The following HR variants were observed in gnomAD, a reference collection of about 807,000 sequenced individuals.
HR encodes HR lysine demethylase and nuclear receptor corepressor, also known as lysine-specific demethylase hairless.
Under a neutral mutation model 128.6 loss-of-function variants are expected in HR, and 83 were observed. The observed-to-expected ratio is 0.65, with a 90% CI of 0.54 to 0.77. The LOEUF is 0.77. Ranked by LOEUF, HR falls within the 30% of genes least tolerant of loss-of-function variation. The pLI is 0.00. For synonymous variants in HR, 681 were observed against 658.2 expected, an observed-to-expected ratio of 1.03 and a Z score of -0.53; for missense variants, 1,490 against 1,574.6, an observed-to-expected ratio of 0.95 and a Z score of 0.91.
chr8:22,120,561 G>A lies in HR; in HGVS notation c.2611-54C>T, dbSNP rs765241716. 3.9e-5 allele frequency: 63 copies of A among 1,607,216 alleles called. No individual in the cohort carries two copies. In the Middle Eastern group the frequency reaches 7.3e-4, roughly 19 times the overall value. ...GGAGAATGGCCAGGGTGCCCGCCAT[G>A]GCCAGGCAAGGGCGTGTTGTAAGGG... is the stretch of plus-strand genomic sequence containing the variant. On this transcript the variant is annotated intron_variant, in intron 11 of 18. Transcript: ENST00000381418.
At chr8:22,119,364 T>A in intron 14 of HR, 81 bp from the exon 15 acceptor site, 1 of 1,590,792 alleles carries the variant, frequency 6.3e-7, no homozygotes, top group Non-Finnish European at 8.6e-7. Context: ...ATCCTGGCAC[T>A]TTGGGAGGCC....
intron 12 of HR, 81 bp from the exon 13 acceptor site, chr8:22,120,254 C>G: frequency 6.2e-7 from 1 of 1,608,784 alleles, no homozygotes. Context: ...TGCTTCCAGC[C>G]CCTCGGGGTC....
In HR at chr8:22,121,092, G is replaced by A. The variant is rs753516082; in HGVS notation, c.2340C>T (p.Phe780=). The change falls in exon 10 of 19, where the codon TTC becomes TTT. Residue 780 remains phenylalanine (F), a synonymous_variant. Coordinates refer to ENST00000381418, the MANE Select transcript of HR (RefSeq NM_005144.5). ...TGGGCAGGGCCGGAGTGACGGGGGC[G>A]AAGGCCATGTGTATTCGCTCATGGC... is the stretch of plus-strand genomic sequence containing the variant. The part of the protein sequence containing the change: ...CLGHERIHMA[F]APVTPALPSD... 13 of 1,613,648 alleles carry A rather than the reference G, an allele frequency of 8.1e-6. No individual in the cohort carries two copies. The highest frequency in any genetic ancestry group is 2.2e-5 in the East Asian group (1 of 44,886).
rs1826578824 is a variant in HR, at chr8:22,116,111, G to C, written c.3507+189C>G. Among the ~76,000 whole-genome samples, 1 of 152,220 alleles carries C rather than the reference G, an allele frequency of 6.6e-6. No individual in the cohort carries two copies. The highest frequency in any genetic ancestry group is 2.1e-4 in the South Asian group (1 of 4,832). ...GATAGTGCCACTGCACTCCAGCCTA[G>C]GTGACAGAACAAGACTCCATCTCAA... On this transcript the variant is annotated intron_variant, in intron 18 of 18. Coordinates refer to ENST00000381418, the MANE Select transcript of HR (RefSeq NM_005144.5). The surrounding 1 kb of genome is among the most constrained non-coding windows in gnomAD (Gnocchi z 4.2).
chr8:22,119,628 A>AAG, intron 14 of HR, 132 bp downstream of exon 14: 1 of 1,236,714 alleles, frequency 8.1e-7, no homozygotes, highest in Non-Finnish European at 1.1e-6. Flanking sequence ...AAAAAAAAAA[A>AAG]AAAGAAAGAA....
In HR at chr8:22,128,873, T is replaced by A; in HGVS notation, c.298A>T (p.Lys100Ter). ...AGCGGATGGGTAAGCATGGCCTCCTTCCAGCGCAGTCCCTCTTTGCTGCCC... is the reference window on the plus strand; with the variant it reads ...AGCGGATGGGTAAGCATGGCCTCCTACCAGCGCAGTCCCTCTTTGCTGCCC... ...WLGSKEGLRW[K>*]EAMLTHPLAF... Residue 100 changes from lysine to a stop codon, truncating the protein, a stop_gained, in exon 2 of 19, where the codon AAG becomes TAG. Coordinates refer to ENST00000381418, the MANE Select transcript of HR (RefSeq NM_005144.5). LOFTEE classifies it high-confidence loss of function. The A allele has an allele frequency of 3.1e-6, 5 of 1,613,422 alleles. No individual in the cohort carries two copies. The highest frequency in any genetic ancestry group is 4.2e-6 in the Non-Finnish European group (5 of 1,180,024).
At chr8:22,118,622 C>T (rs1826650813) in intron 16 of HR, 1 of 404,170 alleles carries the variant, frequency 2.5e-6, no homozygotes, top group East Asian at 5.1e-5. Flanking sequence ...GGAGCAGTGC[C>T]TGCCTCATGG....
In HR at chr8:22,118,859, G is replaced by T. The variant is rs539252046; in HGVS notation, c.3213+91C>A. On this transcript the variant is annotated intron_variant, in intron 16 of 18. Transcript: ENST00000381418. ...CTCACCTGAGGGCGTGGGGCAGGGA[G>T]CGAGCACATGGGACCGCACACTGGG... is the stretch of plus-strand genomic sequence containing the variant. The T allele has an allele frequency of 1.7e-5, 19 of 1,106,584 alleles. No individual in the cohort carries two copies. In the South Asian group the frequency reaches 2.2e-4, roughly 13 times the overall value. 68.5% of individuals were successfully genotyped at this position (1,106,584 alleles called of 1,614,324 possible).
chr8:22,126,953 G>A (rs1826906208), intron 3 of HR, 84 bp downstream of exon 3: 3 of 1,388,438 alleles, frequency 2.2e-6, no homozygotes, highest in Non-Finnish European at 3.0e-6. Flanking sequence ...CACTCATAAA[G>A]CCTACAGACC....
Position 22,125,647 on chromosome 8 carries a change from G to A in HR, c.1491C>T (p.Cys497=). 3 of 1,612,838 alleles carry A rather than the reference G, an allele frequency of 1.9e-6. No individual in the cohort carries two copies. The highest frequency in any genetic ancestry group is 2.5e-6 in the Non-Finnish European group (3 of 1,179,680). Residue 497 remains cysteine (C), a synonymous_variant, in exon 4 of 19, where the codon TGC becomes TGT. Coordinates refer to ENST00000381418, the MANE Select transcript of HR (RefSeq NM_005144.5). ...CLALPAKLAQ[C]QSCAQAAGEG... ...CTCCAGCTGCCTGGGCACAACTTTG[G>A]CATTGAGCCAGTTTTGCAGGGAGAG...
rs1251137921 is a variant in HR at position 22,123,828 on chromosome 8, G to A, written c.1751-15C>T. The A allele has an allele frequency of 3.1e-6, 5 of 1,592,046 alleles. No individual in the cohort carries two copies. In the East Asian group the frequency reaches 6.8e-5, roughly 22 times the overall value. On this transcript the variant is annotated splice_polypyrimidine_tract_variant and intron_variant, in intron 5 of 18. Transcript: ENST00000381418. ...TGGCCCTTGGCCTGCTGACCACGGA[G>A]AGAACAGGGTCAGAGGGTGAAGGCA...
chr8:22,121,257 T>C, intron 9 of HR, 29 bp from the exon 10 acceptor site: 1 of 1,610,500 alleles, frequency 6.2e-7, no homozygotes, highest in Non-Finnish European at 8.5e-7. Context: ...GTGGGGGGCT[T>C]CGCGTTTGGT....
rs771848021 is a variant in HR, at chr8:22,119,303, G to A, written c.2978-20C>T. ...TCACACCTGCATGGCAATAGAGAAA[G>A]AACAGTTAGAAATGGAATCAGAGAG... is the stretch of plus-strand genomic sequence containing the variant. On this transcript the variant is annotated intron_variant, in intron 14 of 18. Coordinates refer to ENST00000381418, the MANE Select transcript of HR (RefSeq NM_005144.5). 3.1e-6 allele frequency: 5 copies of A among 1,613,072 alleles called. No individual in the cohort carries two copies. In the African/African-American group the frequency reaches 5.3e-5, roughly 17 times the overall value.
In HR at chr8:22,122,845, C is replaced by G; in HGVS notation, c.1950G>C (p.Gln650His). The change falls in exon 7 of 19, where the codon CAG becomes CAC. Residue 650 changes from glutamine (Q) to histidine (H), a missense_variant. Physicochemically the swap from Gln to His is conservative, Grantham distance 24 (BLOSUM62 0). Coordinates refer to ENST00000381418, the MANE Select transcript of HR (RefSeq NM_005144.5). ...FQEQSAEECTQEAGHAACSLM... is the reference protein window; with the variant it reads ...FQEQSAEECTHEAGHAACSLM... ...GGGAACAGGCAGCGTGCCCGGCCTC[C>G]TGCGTGCACTCCTCCGCGGACTGCT... is the stretch of plus-strand genomic sequence containing the variant. 6.4e-7 allele frequency: 1 copy of G among 1,555,768 alleles called. No individual in the cohort carries two copies. Among genetic ancestry groups the G allele is most frequent in the Non-Finnish European group, 8.7e-7 (1 of 1,149,696 alleles).
At chr8:22,118,586 C>T (rs578133859) in intron 16 of HR, 13 of 313,226 alleles carry the variant, frequency 4.2e-5, no homozygotes, top group Admixed American at 1.8e-4. Context: ...CACTGAGCTT[C>T]GGTGTTCTCA....
Position 22,116,856 on chromosome 8 carries a change from C to A in HR, c.3378+19G>T. On this transcript the variant is annotated intron_variant, in intron 17 of 18. Coordinates refer to ENST00000381418, the MANE Select transcript of HR (RefSeq NM_005144.5). The surrounding 1 kb of genome is among the most constrained non-coding windows in gnomAD (Gnocchi z 4.2). ...GCCATCCTGATCTCCCCGCAGAGCC[C>A]CTGCCCGCTGGGAAGCACCTGGTGG... 6.4e-7 allele frequency: 1 copy of A among 1,564,028 alleles called. No individual in the cohort carries two copies. Among genetic ancestry groups the A allele is most frequent in the African/African-American group, 1.3e-5 (1 of 74,184 alleles).
At chr8:22,122,717 G>C in intron 7 of HR, 73 bp downstream of exon 7, 1 of 1,494,744 alleles carries the variant, frequency 6.7e-7, no homozygotes, top group South Asian at 1.2e-5. Flanking sequence ...CTGGGGGGAG[G>C]GACAATCAGA....
At chr8:22,128,055 C>G in intron 2 of HR, 1 of 623,304 alleles carries the variant, frequency 1.6e-6, no homozygotes, top group Admixed American at 2.5e-5. Context: ...AGTCTAAGAA[C>G]TAAAGAGTGA....
In HR at chr8:22,116,945, C is replaced by G. The variant is rs1395955266; in HGVS notation, c.3308G>C (p.Gly1103Ala). 4 of 1,543,432 alleles carry G rather than the reference C, an allele frequency of 2.6e-6. No individual in the cohort carries two copies. Among genetic ancestry groups the G allele is most frequent in the Non-Finnish European group, 2.6e-6 (3 of 1,150,010 alleles). ...GLRRRLREEW[G>A]VSCWTLLQAP... ...CTGGAGCAGGGTCCAGCAGCTCACG[C>G]CCCACTCCTCCCGCAGGCGCCGCCG... Residue 1103 changes from glycine (G) to alanine (A), a missense_variant, in exon 17 of 19, where the codon GGC becomes GCC. By Grantham distance (60) the Gly-to-Ala change is moderately conservative. Coordinates refer to ENST00000381418, the MANE Select transcript of HR (RefSeq NM_005144.5). This position sits in a 1 kb window ranked among gnomAD's most constrained non-coding sequence, Gnocchi z 4.2.
Sources: gnomAD v4.1 joint callset for allele counts (sites outside exome capture counted in the v4.1 genomes callset) on GRCh38, gnomAD v4.1.1 for gene constraint, Gnocchi (gnomAD v3.1) non-coding constraint, MANE v1.5 for transcripts, NCBI Gene and HGNC (gene_info 2026-07-23, HGNC 2026-07-21) for gene names.